The following SMG6 variants were observed in gnomAD, a reference collection of about 807,000 sequenced individuals.
SMG6 encodes SMG6 nonsense mediated mRNA decay factor.
A neutral mutation model predicts 142.2 loss-of-function variants in SMG6; 66 were observed. The observed-to-expected ratio is 0.46, with a 90% CI of 0.38 to 0.57. The LOEUF (loss-of-function observed/expected upper bound fraction) is 0.57, where lower values mean the gene tolerates loss of function less well. Among genes scored for constraint, SMG6 ranks in the 20% least tolerant of loss-of-function variants. SMG6 has a pLI of 0.00. For synonymous variants in SMG6, 779 were observed against 702.4 expected, an observed-to-expected ratio of 1.11 and a Z score of -1.72; for missense variants, 1,793 against 1,832.0, an observed-to-expected ratio of 0.98 and a Z score of 0.39.
chr17:2,263,338 A>G (rs1335060725), intron 8 of SMG6, among the ~76,000 whole-genome samples: 2 of 152,212 alleles, frequency 1.3e-5, no homozygotes, highest in South Asian at 4.1e-4. Flanking sequence ...ATGTATCTTC[A>G]TAGAGGCTGA....
At chr17:2,129,306 G>T (rs1354025779) in intron 13 of SMG6, among the ~76,000 whole-genome samples, 1 of 151,978 alleles carries the variant, frequency 6.6e-6, no homozygotes, top group Non-Finnish European at 1.5e-5. Flanking sequence ...CTGGGCAATG[G>T]GAATAAGAAC....
intron 9 of SMG6, among the ~76,000 whole-genome samples, chr17:2,242,975 A>G (rs763326160): frequency 2.0e-5 from 3 of 152,162 alleles, no homozygotes; most frequent in Admixed American, 6.5e-5. Flanking sequence ...CAAATACTAC[A>G]TGCCAGGCTC....
chr17:2,184,879 A>T (rs987543333), intron 12 of SMG6, among the ~76,000 whole-genome samples: 1 of 137,710 alleles, frequency 7.3e-6, no homozygotes, highest in East Asian at 2.4e-4. Flanking sequence ...GTAGGAGAAT[A>T]GCTTGAACTC....
intron 10 of SMG6, among the ~76,000 whole-genome samples, chr17:2,215,213 AC>A (rs1364605180): frequency 8.7e-5 from 1 of 11,448 alleles, no homozygotes; most frequent in Non-Finnish European, 2.0e-4. Flanking sequence ...TACATTATAA[AC>A]ACACACACAC....
At chr17:2,129,192 G>A (rs2070016866) in intron 13 of SMG6, among the ~76,000 whole-genome samples, 1 of 152,116 alleles carries the variant, frequency 6.6e-6, no homozygotes, top group Admixed American at 6.6e-5. Context: ...CAGATATGGT[G>A]GCACATGCCC....
intron 8 of SMG6, 44 bp from the exon 9 acceptor site, chr17:2,244,763 C>A (rs755993651): frequency 9.8e-6 from 15 of 1,536,702 alleles, no homozygotes; most frequent in Non-Finnish European, 1.3e-5. Context: ...AAACTTTCCC[C>A]AGTTTCCTGT....
At chr17:2,086,515 G>A (rs1032602260) in intron 13 of SMG6, among the ~76,000 whole-genome samples, 9 of 152,208 alleles carry the variant, frequency 5.9e-5, no homozygotes, top group African/African-American at 2.2e-4. Flanking sequence ...GAGACAGGCA[G>A]AGCAGGTGGG....
chr17:2,125,501 G>A (rs906112662), intron 13 of SMG6, among the ~76,000 whole-genome samples: 4 of 152,144 alleles, frequency 2.6e-5, no homozygotes, highest in African/African-American at 2.4e-5. Flanking sequence ...AATTAAAAAC[G>A]GAGTTCCAAT....
At chr17:2,276,080 C>A (rs181000957) in intron 8 of SMG6, among the ~76,000 whole-genome samples, 1 of 152,186 alleles carries the variant, frequency 6.6e-6, no homozygotes, top group African/African-American at 2.4e-5. Flanking sequence ...GTCAAAGGAA[C>A]AATTCCAATT....
intron 8 of SMG6, among the ~76,000 whole-genome samples, chr17:2,276,727 A>T (rs1448250003): frequency 6.6e-6 from 1 of 151,954 alleles, no homozygotes; most frequent in Non-Finnish European, 1.5e-5. Context: ...CTACCACTTC[A>T]CAGTAACTCA....
chr17:2,200,526 GA>G (rs59613514), intron 10 of SMG6, among the ~76,000 whole-genome samples: 51,910 of 137,498 alleles, frequency 0.38, 9,150 homozygotes, highest in Middle Eastern at 0.45. Flanking sequence ...ACCCACGACA[GA>G]AAAAAAAAAA....
intron 13 of SMG6, chr17:2,095,075 T>G (rs925899843): frequency 8.5e-5 from 13 of 152,358 alleles, no homozygotes; most frequent in Admixed American, 3.3e-4. Context: ...ATATTGGCAC[T>G]GCCAACACAA....
chr17:2,291,935 T>C (rs1376975159), intron 6 of SMG6, among the ~76,000 whole-genome samples: 1 of 151,814 alleles, frequency 6.6e-6, no homozygotes, highest in Non-Finnish European at 1.5e-5. Context: ...GAACCTCTGG[T>C]ACCTACCACT....
At chr17:2,269,663 GAA>G (rs1407200699) in intron 8 of SMG6, among the ~76,000 whole-genome samples, 2 of 152,108 alleles carry the variant, frequency 1.3e-5, no homozygotes. Context: ...AACTCAGAAA[GAA>G]AACTGTCCTT....
At chr17:2,297,222 T>G in intron 4 of SMG6, 21 bp downstream of exon 4, 1 of 1,536,852 alleles carries the variant, frequency 6.5e-7, no homozygotes, top group Non-Finnish European at 8.9e-7. Context: ...AAATTTAAGA[T>G]ACATAAAGAA....
chr17:2,208,866 G>A (rs865775123), intron 10 of SMG6, among the ~76,000 whole-genome samples: 3 of 152,292 alleles, frequency 2.0e-5, no homozygotes, highest in African/African-American at 4.8e-5. Flanking sequence ...CACACGTATC[G>A]TGGGATAGAT....
intron 13 of SMG6, chr17:2,087,427 T>C: frequency 8.4e-7 from 1 of 1,186,212 alleles, no homozygotes; most frequent in Non-Finnish European, 1.1e-6. Context: ...CAACCCCGCT[T>C]TCCTACACGG....
chr17:2,181,340 C>T lies in SMG6; in HGVS notation c.3155+5323G>A, dbSNP rs562861866. 3.3e-5 allele frequency among the ~76,000 whole-genome samples: 5 copies of T among 152,310 alleles called. No individual in the cohort carries two copies. In the South Asian group the frequency reaches 8.3e-4, roughly 25 times the overall value. On this transcript the variant is annotated intron_variant, in intron 12 of 18. Coordinates refer to ENST00000263073, the MANE Select transcript of SMG6 (RefSeq NM_017575.5). ...GTCAGGCCAGGTTTGCTCTGTTGAA[C>T]GCGGGCACCAGTCCTTAAATAGCCA...
rs995173277 is a variant in SMG6 at position 2,236,341 on chromosome 17, C to A, written c.2869+151G>T. ...ACAGATTTCAAAGTAAACTAAATAT[C>A]TGAGACAATGGTAGGAAGCGTAGGG... On this transcript the variant is annotated intron_variant, in intron 10 of 18. Coordinates refer to ENST00000263073, the MANE Select transcript of SMG6 (RefSeq NM_017575.5). 6 of 650,854 alleles carry A rather than the reference C, an allele frequency of 9.2e-6. No individual in the cohort carries two copies. In the African/African-American group the frequency reaches 1.2e-4, roughly 13 times the overall value. The allele number at this position is 650,854 out of a possible 1,614,324, so 40.3% of individuals were successfully genotyped here.
Sources: allele counts gnomAD v4.1 joint callset (sites outside exome capture counted in the v4.1 genomes callset), GRCh38; gene constraint gnomAD v4.1.1; transcripts MANE v1.5; gene names NCBI Gene and HGNC (gene_info 2026-07-23, HGNC 2026-07-21).